Variants in MIPOL1 observed in about 807,000 individuals in gnomAD.
The protein encoded by MIPOL1 is mirror-image polydactyly gene 1 protein.
A neutral mutation model predicts 60.9 loss-of-function variants in MIPOL1; 57 were observed. The ratio of observed to expected loss-of-function variants is 0.94; its 90% CI spans 0.76 to 1.17. MIPOL1 has a LOEUF of 1.17. MIPOL1 is among the 50% of genes most tolerant of loss of function. The probability of loss-of-function intolerance (pLI) is 0.00; values close to 1 mark genes in which losing one functional copy is unlikely to be tolerated. For synonymous variants in MIPOL1, 179 were observed against 168.8 expected (o/e 1.06, Z -0.47); for missense variants, 551 against 511.6 (o/e 1.08, Z -0.74).
chr14:37,213,413 T>G (rs901095033), intron 1 of MIPOL1, among the ~76,000 whole-genome samples: 2 of 152,140 alleles, frequency 1.3e-5, no homozygotes, highest in African/African-American at 4.8e-5. Flanking sequence ...GAGCTGAAAA[T>G]GCAATTGACA....
chr14:37,392,999 G>A (rs368884372), intron 10 of MIPOL1, among the ~76,000 whole-genome samples: 7 of 152,022 alleles, frequency 4.6e-5, no homozygotes, highest in African/African-American at 1.7e-4. Flanking sequence ...CTGGATTAGG[G>A]TACCACCTAA....
chr14:37,392,382 A>T (rs1297068110), intron 10 of MIPOL1, among the ~76,000 whole-genome samples: 1 of 152,228 alleles, frequency 6.6e-6, no homozygotes, highest in Non-Finnish European at 1.5e-5. Context: ...CATTAATAGT[A>T]TCCTACAGCT....
intron 12 of MIPOL1, chr14:37,505,181 G>C (rs1372155159): frequency 6.6e-6 from 1 of 152,094 alleles, no homozygotes; most frequent in Non-Finnish European, 1.5e-5. Context: ...GTACAAAGAG[G>C]AGCTGGTACC....
chr14:37,542,305 A>T (rs1042799329), intron 12 of MIPOL1, among the ~76,000 whole-genome samples: 9 of 151,852 alleles, frequency 5.9e-5, no homozygotes, highest in African/African-American at 2.2e-4. Context: ...TTTTCTTTAT[A>T]TATTTGTTGT....
intron 11 of MIPOL1, among the ~76,000 whole-genome samples, chr14:37,446,818 G>A (rs142181844): frequency 0.23 from 34,425 of 151,500 alleles, 4,441 homozygotes; most frequent in South Asian, 0.36. Context: ...GCAAACTATT[G>A]CAAGGACAAA....
intron 10 of MIPOL1, among the ~76,000 whole-genome samples, chr14:37,411,614 A>G (rs1311268518): frequency 6.6e-6 from 1 of 152,112 alleles, no homozygotes; most frequent in East Asian, 1.9e-4. Flanking sequence ...TTTGTAAATA[A>G]AATTTTATTG....
chr14:37,242,418 C>T (rs539532491), intron 1 of MIPOL1, among the ~76,000 whole-genome samples: 16 of 151,664 alleles, frequency 1.1e-4, no homozygotes, highest in South Asian at 4.2e-4. Flanking sequence ...TTGTTTTGAC[C>T]GAGGATATAT....
intron 3 of MIPOL1, among the ~76,000 whole-genome samples, chr14:37,250,953 T>C (rs1362670952): frequency 1.3e-5 from 2 of 152,124 alleles, no homozygotes; most frequent in African/African-American, 2.4e-5. Flanking sequence ...TATAGAACCA[T>C]TTATGTTTTT....
chr14:37,329,712 T>G (rs2089503571), intron 9 of MIPOL1, among the ~76,000 whole-genome samples: 1 of 152,164 alleles, frequency 6.6e-6, no homozygotes, highest in Admixed American at 6.5e-5. Context: ...CTTAATAAAC[T>G]ATTAAACTGT....
intron 10 of MIPOL1, among the ~76,000 whole-genome samples, chr14:37,396,292 A>C (rs2093370027): frequency 6.6e-6 from 1 of 152,158 alleles, no homozygotes; most frequent in Non-Finnish European, 1.5e-5. Context: ...GAGGAGGCTT[A>C]AGATAGGGTC....
chr14:37,227,859 G>A (rs79556317), intron 1 of MIPOL1: 2 of 152,274 alleles, frequency 1.3e-5, no homozygotes, highest in Non-Finnish European at 2.9e-5. Context: ...AAATTCGCTT[G>A]TATCACATCT....
intron 6 of MIPOL1, among the ~76,000 whole-genome samples, chr14:37,284,377 A>G (rs2084374908): frequency 6.6e-6 from 1 of 151,962 alleles, no homozygotes; most frequent in East Asian, 1.9e-4. Context: ...TGAGTCTCAC[A>G]CTGTTGCCCA....
At chr14:37,302,259 G>GTTTTTTTTTT (rs1244984056) in intron 7 of MIPOL1, among the ~76,000 whole-genome samples, 1 of 58,590 alleles carries the variant, frequency 1.7e-5, no homozygotes. Context: ...ATTTGGAACT[G>GTTTTTTTTTT]TTGTTTTTTT....
rs761704937 is a variant in MIPOL1 at position 37,546,961 on chromosome 14, C to T, written c.1319C>T (p.Thr440Ile). Residue 440 changes from threonine to isoleucine, a missense_variant, in exon 13 of 13, where the codon ACA becomes ATA. Coordinates refer to ENST00000684589, the MANE Select transcript of MIPOL1 (RefSeq NM_001388067.1). Reference sequence around the variant, plus strand: ...AAGGTTGGAACCGGGACCATGAGGACAGTGATCTGATTGAAAAAAAACGAC... The same window carrying T: ...AAGGTTGGAACCGGGACCATGAGGATAGTGATCTGATTGAAAAAAAACGAC... ...RKKVGTGTMR[T>I]VI is the part of the protein sequence containing the mutation. 6.2e-6 allele frequency: 10 copies of T among 1,611,536 alleles called. No homozygotes were observed. The Admixed American group carries it at 6.7e-5, about 11-fold the overall frequency.
intron 10 of MIPOL1, among the ~76,000 whole-genome samples, chr14:37,416,896 A>C (rs963150620): frequency 6.6e-6 from 1 of 152,174 alleles, no homozygotes; most frequent in South Asian, 2.1e-4. Flanking sequence ...TCATCTGCTG[A>C]GCGATCCAGC....
intron 1 of MIPOL1, among the ~76,000 whole-genome samples, chr14:37,216,549 C>T (rs537999443): frequency 2.4e-4 from 37 of 152,270 alleles, no homozygotes; most frequent in African/African-American, 8.7e-4. Flanking sequence ...AACAAGTCTT[C>T]AGACATTCAG....
chr14:37,260,097 T>C (rs1185536892), intron 3 of MIPOL1, among the ~76,000 whole-genome samples: 1 of 151,990 alleles, frequency 6.6e-6, no homozygotes, highest in Non-Finnish European at 1.5e-5. Context: ...ATATATTCTT[T>C]AGCTGATTTT....
At chr14:37,373,677 AT>A (rs769599968) in intron 10 of MIPOL1, among the ~76,000 whole-genome samples, 1 of 151,988 alleles carries the variant, frequency 6.6e-6, no homozygotes, top group African/African-American at 2.4e-5. Context: ...GAGAATGATG[AT>A]TTCCAACTTC....
At chr14:37,488,152 C>T (rs1464405015) in intron 11 of MIPOL1, among the ~76,000 whole-genome samples, 1 of 151,692 alleles carries the variant, frequency 6.6e-6, no homozygotes, top group African/African-American at 2.4e-5. Context: ...TTTCTTAATC[C>T]TGAGTTCTAA....
Sources: allele counts gnomAD v4.1 joint callset (sites outside exome capture counted in the v4.1 genomes callset), GRCh38; gene constraint gnomAD v4.1.1; transcripts MANE v1.5; gene names NCBI Gene and HGNC (gene_info 2026-07-23, HGNC 2026-07-21).